Variants in MAD1L1 observed in about 807,000 individuals in gnomAD.
MAD1L1 encodes the protein mitotic spindle assembly checkpoint protein MAD1.
MAD1L1 carries 95 observed loss-of-function variants against 96.9 expected under a neutral mutation model. The ratio of observed to expected loss-of-function variants is 0.98; its 90% CI spans 0.83 to 1.16. The LOEUF (loss-of-function observed/expected upper bound fraction) is 1.16, where lower values mean the gene tolerates loss of function less well. Among genes scored for constraint, MAD1L1 ranks in the 50% most tolerant of loss-of-function variants. MAD1L1 has a pLI of 0.00. For synonymous variants in MAD1L1, 473 were observed against 396.6 expected, an observed-to-expected ratio of 1.19 and a Z score of -2.29; for missense variants, 1,007 against 954.4, an observed-to-expected ratio of 1.06 and a Z score of -0.73.
At position 2,062,635 on chromosome 7, in the gene MAD1L1, G is replaced by T. The variant is rs369220200; in HGVS notation, c.1218+6559C>A. Among the ~76,000 whole-genome samples the T allele has an allele frequency of 6.6e-5, 10 of 152,272 alleles. No homozygotes were observed. The East Asian group carries it at 1.4e-3, about 21-fold the overall frequency. ...CGCTTGCCCTGGAGCTGAGGGAGCGGCTGGAACCAGGCACGAGGGTCTTGC... is the reference window on the plus strand; with the variant it reads ...CGCTTGCCCTGGAGCTGAGGGAGCGTCTGGAACCAGGCACGAGGGTCTTGC... On this transcript the variant is annotated intron_variant, in intron 12 of 18. Coordinates refer to ENST00000265854, the MANE Select transcript of MAD1L1 (RefSeq NM_001013836.2).
chr7:2,192,598 T>C (rs1486969249), intron 10 of MAD1L1, among the ~76,000 whole-genome samples: 1 of 152,196 alleles, frequency 6.6e-6, no homozygotes, highest in Non-Finnish European at 1.5e-5. Flanking sequence ...AAAGTGTGAC[T>C]ATGCCCCAGG....
intron 18 of MAD1L1, among the ~76,000 whole-genome samples, chr7:1,896,817 AT>A (rs1214014429): frequency 6.6e-6 from 1 of 152,254 alleles, no homozygotes; most frequent in Admixed American, 6.5e-5. Context: ...GTAAATGTTG[AT>A]GTAACGAGTG....
intron 12 of MAD1L1, among the ~76,000 whole-genome samples, chr7:2,047,142 T>C (rs1783960582): frequency 6.6e-6 from 1 of 152,164 alleles, no homozygotes; most frequent in Non-Finnish European, 1.5e-5. Flanking sequence ...TACAAGTCAG[T>C]GTCTTTCCTC....
At chr7:1,944,860 C>G (rs1037453001) in intron 16 of MAD1L1, among the ~76,000 whole-genome samples, 3 of 152,238 alleles carry the variant, frequency 2.0e-5, no homozygotes, top group Non-Finnish European at 1.5e-5. Context: ...CAGGCCACCT[C>G]TGCAGCTGAT....
rs554405889 is a variant in MAD1L1, at chr7:2,088,259, G to A, written c.1074-18921C>T. On this transcript the variant is annotated intron_variant, in intron 11 of 18. Coordinates refer to ENST00000265854, the MANE Select transcript of MAD1L1 (RefSeq NM_001013836.2). This position sits in a 1 kb window ranked among gnomAD's most constrained non-coding sequence, Gnocchi z 4.4. ...ACACCCCTGCCTGAAACCTGCCGAC[G>A]GGCCTGTTGCCGCTGGAACACAATC... 9.6e-4 allele frequency among the ~76,000 whole-genome samples: 146 copies of A among 152,282 alleles called. No individual in the cohort carries two copies. The highest frequency in any genetic ancestry group is 3.2e-3 in the African/African-American group (134 of 41,540).
At chr7:2,196,514 G>A (rs1359834809) in intron 10 of MAD1L1, among the ~76,000 whole-genome samples, 1 of 152,248 alleles carries the variant, frequency 6.6e-6, no homozygotes, top group Non-Finnish European at 1.5e-5. Flanking sequence ...ATTGTTTAAA[G>A]CTGTCTGTGT....
chr7:1,948,310 C>T (rs1377949694), intron 16 of MAD1L1, among the ~76,000 whole-genome samples: 2 of 152,166 alleles, frequency 1.3e-5, no homozygotes, highest in African/African-American at 2.4e-5. Flanking sequence ...GCAAACGCCC[C>T]CCATGAACCC....
At position 2,146,469 on chromosome 7, in the gene MAD1L1, G is replaced by T; in HGVS notation, c.1073+2683C>A. On this transcript the variant is annotated intron_variant, in intron 11 of 18. Transcript: ENST00000265854. The surrounding 1 kb of genome is among the most constrained non-coding windows in gnomAD (Gnocchi z 6.2). Reference sequence around the variant, plus strand: ...AAGCTCCTCAGATGGCGAGAACAGCGTTCACTACCAGGGAAAGATGGACAC... The same window carrying T: ...AAGCTCCTCAGATGGCGAGAACAGCTTTCACTACCAGGGAAAGATGGACAC... Among the ~76,000 whole-genome samples, 1 of 151,794 alleles carries T rather than the reference G, an allele frequency of 6.6e-6. No homozygotes were observed. Among genetic ancestry groups the T allele is most frequent in the South Asian group, 2.1e-4 (1 of 4,826 alleles).
rs552747535 is a variant in MAD1L1, at chr7:1,936,703, C to T, written c.1791G>A (p.Ser597=). The T allele has an allele frequency of 1.0e-4, 159 of 1,555,174 alleles. No homozygotes were observed. The highest frequency in any genetic ancestry group is 3.1e-4 in the East Asian group (13 of 41,522). ...GGTGCCTACCTGCCACCTCCTTGGA[C>T]GATGGCAGACTCGCGGCGGCAGCCT... ...DLEAAAASLP[S]SKEVAELKKQ... is the part of the protein sequence containing the mutation. The change falls in exon 17 of 19, where the codon TCG becomes TCA. Residue 597 remains serine, a synonymous_variant. Coordinates refer to ENST00000265854, the MANE Select transcript of MAD1L1 (RefSeq NM_001013836.2).
At chr7:2,230,321 G>A (rs1794129916) in intron 2 of MAD1L1, 178 bp from the exon 3 acceptor site, 1 of 526,164 alleles carries the variant, frequency 1.9e-6, no homozygotes, top group Non-Finnish European at 3.4e-6. Flanking sequence ...CAATTTACCA[G>A]ACAAAAAATG....
At chr7:2,036,702 C>T (rs989888537) in intron 12 of MAD1L1, among the ~76,000 whole-genome samples, 1 of 152,120 alleles carries the variant, frequency 6.6e-6, no homozygotes, top group African/African-American at 2.4e-5. Context: ...GCAACCCAGA[C>T]GTGTGCCTGT....
At chr7:2,033,620 C>A (rs1234795858) in intron 12 of MAD1L1, among the ~76,000 whole-genome samples, 1 of 152,224 alleles carries the variant, frequency 6.6e-6, no homozygotes, top group Non-Finnish European at 1.5e-5. Flanking sequence ...CTGACAAACA[C>A]AAAATTCATT....
At chr7:1,928,718 C>A (rs941094423) in intron 17 of MAD1L1, among the ~76,000 whole-genome samples, 1 of 152,230 alleles carries the variant, frequency 6.6e-6, no homozygotes, top group Non-Finnish European at 1.5e-5. Context: ...GAGGCGTGGG[C>A]AGGTGGCGGC....
chr7:2,189,706 AG>A (rs1791628464), intron 10 of MAD1L1, among the ~76,000 whole-genome samples: 1 of 152,178 alleles, frequency 6.6e-6, no homozygotes, highest in South Asian at 2.1e-4. Context: ...AAAGTTTTGG[AG>A]GTGGATGGTG....
intron 10 of MAD1L1, among the ~76,000 whole-genome samples, chr7:2,152,127 G>A (rs1053118828): frequency 1.3e-5 from 2 of 152,218 alleles, no homozygotes; most frequent in Non-Finnish European, 2.9e-5. Flanking sequence ...CAGAAGGCTG[G>A]CGCCTGAGGC....
chr7:1,952,377 C>G (rs1779538040), intron 16 of MAD1L1, among the ~76,000 whole-genome samples: 1 of 152,166 alleles, frequency 6.6e-6, no homozygotes, highest in Admixed American at 6.5e-5. Context: ...GGGAGGAAAC[C>G]AGGAGCCCTT....
intron 12 of MAD1L1, among the ~76,000 whole-genome samples, chr7:2,029,179 C>T (rs1783109280): frequency 6.6e-6 from 1 of 152,196 alleles, no homozygotes; most frequent in Non-Finnish European, 1.5e-5. Context: ...GATATAATCT[C>T]CCATTCTGTA....
At chr7:1,973,382 C>T (rs980118116) in intron 15 of MAD1L1, among the ~76,000 whole-genome samples, 3 of 152,166 alleles carry the variant, frequency 2.0e-5, no homozygotes, top group African/African-American at 4.8e-5. Flanking sequence ...CTGGTACACG[C>T]GGAGTGCGGA....
chr7:2,072,656 C>G (rs920098577), intron 11 of MAD1L1, among the ~76,000 whole-genome samples: 1 of 152,204 alleles, frequency 6.6e-6, no homozygotes, highest in South Asian at 2.1e-4. Context: ...ACTAGAAGAA[C>G]GCCACCATTC....
Sources: gnomAD v4.1 joint callset for allele counts (sites outside exome capture counted in the v4.1 genomes callset) on GRCh38, gnomAD v4.1.1 for gene constraint, Gnocchi (gnomAD v3.1) non-coding constraint, MANE v1.5 for transcripts, NCBI Gene and HGNC (gene_info 2026-07-23, HGNC 2026-07-21) for gene names.